The following COL9A1 variants were observed in gnomAD, a reference collection of about 807,000 sequenced individuals.
COL9A1 encodes collagen alpha-1(IX) chain.
COL9A1 carries 104 observed loss-of-function variants against 142.6 expected under a neutral mutation model. That is an observed-to-expected ratio of 0.73 (90% confidence interval 0.62 to 0.86). The LOEUF (loss-of-function observed/expected upper bound fraction) is 0.86, where lower values mean the gene tolerates loss of function less well. Among genes scored for constraint, COL9A1 ranks in the 40% least tolerant of loss-of-function variants. The pLI, the probability that COL9A1 is intolerant of heterozygous loss-of-function variation, is 0.00. For missense variants in COL9A1, 1,210 were observed against 1,176.6 expected (o/e 1.03, Z -0.42); for synonymous variants, 466 against 396.0 (o/e 1.18, Z -2.10).
intron 20 of COL9A1, among the ~76,000 whole-genome samples, chr6:70,257,656 A>T (rs1338439880): frequency 6.6e-6 from 1 of 152,178 alleles, no homozygotes; most frequent in East Asian, 1.9e-4. Flanking sequence ...CTAGAGCAAG[A>T]GAATCACTTG....
At chr6:70,254,400 G>A (rs1771134853) in intron 25 of COL9A1, 76 bp downstream of exon 25, 5 of 1,305,782 alleles carry the variant, frequency 3.8e-6, no homozygotes, top group Non-Finnish European at 5.5e-6. Flanking sequence ...AGATTAGGTA[G>A]CATGTCTCTC....
intron 5 of COL9A1, among the ~76,000 whole-genome samples, chr6:70,287,113 T>C (rs575478811): frequency 6.6e-6 from 1 of 152,184 alleles, no homozygotes; most frequent in South Asian, 2.1e-4. Context: ...CATGCACATA[T>C]ATGGGTGGGG....
intron 28 of COL9A1, among the ~76,000 whole-genome samples, chr6:70,249,182 A>G (rs1485668537): frequency 6.6e-6 from 1 of 151,546 alleles, no homozygotes; most frequent in Non-Finnish European, 1.5e-5. Flanking sequence ...TCCACTGAAG[A>G]TTTTTAAATG....
At chr6:70,269,537 T>TAGAATATTCC in intron 16 of COL9A1, 96 bp downstream of exon 16, 3 of 878,930 alleles carry the variant, frequency 3.4e-6, no homozygotes, top group Non-Finnish European at 5.8e-6. Context: ...CACAGACACA[T>TAGAATATTCC]AGAATATTCC....
At chr6:70,295,698 A>G (rs1404733957) in intron 4 of COL9A1, among the ~76,000 whole-genome samples, 1 of 152,190 alleles carries the variant, frequency 6.6e-6, no homozygotes, top group African/African-American at 2.4e-5. Flanking sequence ...CCCTATACAG[A>G]GACTGTGGTC....
At chr6:70,291,795 C>A (rs1312840277) in intron 5 of COL9A1, among the ~76,000 whole-genome samples, 1 of 152,014 alleles carries the variant, frequency 6.6e-6, no homozygotes, top group African/African-American at 2.4e-5. Flanking sequence ...ATATATTTTT[C>A]TTTTTCCCAA....
chr6:70,296,918 C>G (rs1397476084), intron 4 of COL9A1, among the ~76,000 whole-genome samples: 1 of 152,088 alleles, frequency 6.6e-6, no homozygotes, highest in Non-Finnish European at 1.5e-5. Flanking sequence ...TGCTTCTTCT[C>G]TTCCTTAAGC....
chr6:70,271,860 C>T, intron 13 of COL9A1, 152 bp from the exon 14 acceptor site: 1 of 965,994 alleles, frequency 1.0e-6, no homozygotes, highest in East Asian at 2.6e-5. Context: ...ACTTTAATTA[C>T]TTAAGATACA....
At chr6:70,239,123 A>G (rs1770088631) in intron 33 of COL9A1, 131 bp downstream of exon 33, 1 of 659,776 alleles carries the variant, frequency 1.5e-6, no homozygotes, top group Admixed American at 2.6e-5. Flanking sequence ...TGGGCGACAG[A>G]GTGAGACTCC....
chr6:70,276,632 C>T (rs553563958), intron 10 of COL9A1, among the ~76,000 whole-genome samples: 26 of 152,284 alleles, frequency 1.7e-4, no homozygotes, highest in African/African-American at 6.0e-4. Flanking sequence ...TATGAAATAA[C>T]TATGCAGAAA....
chr6:70,225,247 G>A lies in COL9A1; in HGVS notation c.2581+685C>T, dbSNP rs115665596. ...CCCTGCTATGTTGCCTCTGTGCTTG[G>A]GCTTGTAAGTCATTTCCTAAGGGAT... On this transcript the variant is annotated intron_variant, in intron 37 of 37. Transcript: ENST00000357250. Among the ~76,000 whole-genome samples the A allele has an allele frequency of 7.9e-3, 1,195 of 152,190 alleles. 15 individuals are homozygous for A. Among genetic ancestry groups the A allele is most frequent in the African/African-American group, 0.027 (1,130 of 41,508 alleles).
chr6:70,231,901 G>A (rs1227865221), intron 36 of COL9A1, among the ~76,000 whole-genome samples: 1 of 152,070 alleles, frequency 6.6e-6, no homozygotes, highest in Non-Finnish European at 1.5e-5. Context: ...AACTCCAAAT[G>A]AGACAGCCAG....
At position 70,292,787 on chromosome 6, in the gene COL9A1, T is replaced by C. The variant is rs147081327; in HGVS notation, c.696+1380A>G. Reference sequence around the variant, plus strand: ...AACAGCTATTTGCAGAAGTTCAGTGTTGTCTGAGAACCTTTCCAGTGTCAT... The same window carrying C: ...AACAGCTATTTGCAGAAGTTCAGTGCTGTCTGAGAACCTTTCCAGTGTCAT... On this transcript the variant is annotated intron_variant, in intron 5 of 37. Coordinates refer to ENST00000357250, the MANE Select transcript of COL9A1 (RefSeq NM_001851.6). Among the ~76,000 whole-genome samples, 100 of 152,342 alleles carry C rather than the reference T, an allele frequency of 6.6e-4. 2 individuals carry two copies. The highest frequency in any genetic ancestry group is 2.4e-3 in the African/African-American group (99 of 41,584).
At chr6:70,248,516 A>T (rs75712164) in intron 28 of COL9A1, among the ~76,000 whole-genome samples, 381 of 152,338 alleles carry the variant, frequency 2.5e-3, no homozygotes, top group African/African-American at 8.6e-3. Flanking sequence ...GCATTGTTAA[A>T]AATGTATGAA....
intron 33 of COL9A1, among the ~76,000 whole-genome samples, chr6:70,236,644 A>T (rs1769928262): frequency 1.3e-5 from 2 of 152,208 alleles, no homozygotes; most frequent in African/African-American, 4.8e-5. Flanking sequence ...GTGCTTTTCC[A>T]ATTTCGCTTT....
At chr6:70,228,255 G>A (rs1769353731) in intron 36 of COL9A1, among the ~76,000 whole-genome samples, 1 of 152,058 alleles carries the variant, frequency 6.6e-6, no homozygotes, top group African/African-American at 2.4e-5. Flanking sequence ...ACAGTTGATT[G>A]AAATTGGGGA....
chr6:70,300,866 A>G (rs1412950983), intron 2 of COL9A1, among the ~76,000 whole-genome samples: 1 of 152,196 alleles, frequency 6.6e-6, no homozygotes, highest in Non-Finnish European at 1.5e-5. Context: ...TCCAGAGCCA[A>G]CCTTGGTCCA....
At chr6:70,256,941 A>C (rs1163502878) in intron 20 of COL9A1, 120 bp from the exon 21 acceptor site, 1 of 847,648 alleles carries the variant, frequency 1.2e-6, no homozygotes, top group Admixed American at 2.1e-5. Flanking sequence ...CCTGTAATAC[A>C]CACAGTGATC....
At chr6:70,236,472 A>G (rs979977581) in intron 33 of COL9A1, among the ~76,000 whole-genome samples, 2 of 152,234 alleles carry the variant, frequency 1.3e-5, no homozygotes, top group Admixed American at 1.3e-4. Context: ...AGGGAATGCT[A>G]GTGTTCAAGA....
Sources: gnomAD v4.1 joint callset for allele counts (sites outside exome capture counted in the v4.1 genomes callset) on GRCh38, gnomAD v4.1.1 for gene constraint, MANE v1.5 for transcripts, NCBI Gene and HGNC (gene_info 2026-07-23, HGNC 2026-07-21) for gene names.